The following LPIN2 variants were observed in gnomAD, a reference collection of about 807,000 sequenced individuals.
The protein encoded by LPIN2 is lipin 2.
LPIN2 carries 55 observed loss-of-function variants against 111.4 expected under a neutral mutation model. The ratio of observed to expected loss-of-function variants is 0.49; its 90% confidence interval spans 0.40 to 0.62. The LOEUF (loss-of-function observed/expected upper bound fraction) is 0.62, where lower values mean the gene tolerates loss of function less well. Ranked by LOEUF, LPIN2 falls within the 20% of genes least tolerant of loss-of-function variation. The pLI, the probability that LPIN2 is intolerant of heterozygous loss-of-function variation, is 0.00. For missense variants in LPIN2, 992 were observed against 1,112.1 expected, an observed-to-expected ratio of 0.89 and a Z score of 1.54; for synonymous variants, 425 against 414.0, an observed-to-expected ratio of 1.03 and a Z score of -0.32.
At chr18:2,999,099 G>A (rs1373588454) in intron 1 of LPIN2, among the ~76,000 whole-genome samples, 1 of 152,200 alleles carries the variant, frequency 6.6e-6, no homozygotes, top group Non-Finnish European at 1.5e-5. Flanking sequence ...GTTAAACCCA[G>A]AGGATGTCAC....
At position 2,925,178 on chromosome 18, in the gene LPIN2, T is replaced by C; in HGVS notation, c.1938+46A>G. ...GAGGATGTGCATCAAATTAAACCAT[T>C]ACTAAAATAAGTCCTACTGGACAAC... On this transcript the variant is annotated intron_variant, in intron 14 of 19. Transcript: ENST00000677752. This position sits in a 1 kb window ranked among gnomAD's most constrained non-coding sequence, Gnocchi z 4.1. The C allele has an allele frequency of 3.1e-6, 5 of 1,611,166 alleles. No homozygotes were observed. The highest frequency in any genetic ancestry group is 4.2e-6 in the Non-Finnish European group (5 of 1,177,436).
At chr18:2,932,974 AC>A (rs2077232709) in intron 8 of LPIN2, among the ~76,000 whole-genome samples, 1 of 152,174 alleles carries the variant, frequency 6.6e-6, no homozygotes, top group Admixed American at 6.5e-5. Flanking sequence ...AGCTAGTGTT[AC>A]CCCAACCAGT....
At chr18:2,971,792 A>C (rs1372070826) in intron 1 of LPIN2, among the ~76,000 whole-genome samples, 2 of 150,160 alleles carry the variant, frequency 1.3e-5, no homozygotes, top group Non-Finnish European at 3.0e-5. Context: ...TCACGACTGT[A>C]ATCCCAGCAC....
At chr18:2,981,884 C>T (rs2078116101) in intron 1 of LPIN2, among the ~76,000 whole-genome samples, 1 of 152,156 alleles carries the variant, frequency 6.6e-6, no homozygotes, top group Non-Finnish European at 1.5e-5. Context: ...ATTTTTGTCT[C>T]ACTGATTTTA....
chr18:2,923,813 G>T lies in LPIN2; in HGVS notation c.2136C>A (p.Thr712=). 2 of 1,614,138 alleles carry T rather than the reference G, an allele frequency of 1.2e-6. No individual in the cohort carries two copies. The highest frequency in any genetic ancestry group is 1.1e-5 in the South Asian group (1 of 91,074). The change falls in exon 16 of 20, where the codon ACC becomes ACA. Residue 712 remains threonine (T), a synonymous_variant. Transcript: ENST00000677752. ...QILPQLGKDW[T]HQGIAKLYHS... is the part of the protein sequence containing the mutation. ...GGTAGAGCTTTGCTATACCCTGGTGGGTCCAGTCTTTGCCCAGCTGTGGGA... is the reference window on the plus strand; with the variant it reads ...GGTAGAGCTTTGCTATACCCTGGTGTGTCCAGTCTTTGCCCAGCTGTGGGA...
intron 16 of LPIN2, among the ~76,000 whole-genome samples, 171 bp downstream of exon 16, chr18:2,923,604 G>A (rs1404176448): frequency 6.6e-6 from 1 of 152,148 alleles, no homozygotes; most frequent in Non-Finnish European, 1.5e-5. Flanking sequence ...CGATGCCAAT[G>A]CCAGGTGCAC....
At chr18:2,947,807 A>G (rs2077477181) in intron 4 of LPIN2, among the ~76,000 whole-genome samples, 1 of 152,192 alleles carries the variant, frequency 6.6e-6, no homozygotes, top group Admixed American at 6.5e-5. Context: ...CTGCAAAAGC[A>G]ATTGATTTCC....
intron 7 of LPIN2, among the ~76,000 whole-genome samples, chr18:2,936,947 T>C (rs963771973): frequency 6.6e-6 from 1 of 152,208 alleles, no homozygotes; most frequent in Non-Finnish European, 1.5e-5. Context: ...TTAGTATGCA[T>C]TGATTTTTAT....
intron 9 of LPIN2, among the ~76,000 whole-genome samples, chr18:2,929,990 A>C (rs933940247): frequency 6.6e-6 from 1 of 152,146 alleles, no homozygotes. Context: ...AAACAAAAAA[A>C]CCTAGAATTT....
intron 1 of LPIN2, among the ~76,000 whole-genome samples, chr18:2,977,915 G>A (rs992869190): frequency 2.6e-5 from 4 of 152,136 alleles, no homozygotes; most frequent in Admixed American, 1.3e-4. Context: ...AGGAGAGGCC[G>A]GGCTCGGTGG....
chr18:2,939,800 A>AT (rs1400429827), intron 5 of LPIN2, among the ~76,000 whole-genome samples, 197 bp from the exon 6 acceptor site: 3 of 152,238 alleles, frequency 2.0e-5, no homozygotes, highest in African/African-American at 7.2e-5. Flanking sequence ...ACCAACTAGT[A>AT]TTTAAGAGGA....
At chr18:2,959,351 TAATTA>T (rs1283001175) in intron 2 of LPIN2, among the ~76,000 whole-genome samples, 1 of 152,220 alleles carries the variant, frequency 6.6e-6, no homozygotes, top group East Asian at 1.9e-4. Flanking sequence ...CATTTAAGTT[TAATTA>T]AATAGAGGGA....
At chr18:2,998,322 A>C (rs923659335) in intron 1 of LPIN2, among the ~76,000 whole-genome samples, 2 of 152,232 alleles carry the variant, frequency 1.3e-5, no homozygotes, top group South Asian at 2.1e-4. Context: ...CTTGCATACT[A>C]AGCTACTTCA....
At position 2,917,095 on chromosome 18, in the gene LPIN2, GTAAC is replaced by G. The variant is rs2076980928; in HGVS notation, c.*3194_*3197del. 6.6e-6 allele frequency: 1 copy of G among 152,188 alleles called. No homozygotes were observed. The highest frequency in any genetic ancestry group is 1.5e-5 in the Non-Finnish European group (1 of 68,032). The allele number at this position is 152,188 out of a possible 1,614,324, so 9.4% of individuals were successfully genotyped here. A position where few individuals can be genotyped will look rare whatever the true frequency, so the allele number is the denominator to read the frequency against. On this transcript the variant is annotated 3_prime_UTR_variant, in exon 20 of 20. Coordinates refer to ENST00000677752, the MANE Select transcript of LPIN2 (RefSeq NM_001375808.2). ...TTCATCTTGCAACAATTGCTTTACT[GTAAC>G]TAAGAGTACTGTACTGATGATGTTT... is the stretch of plus-strand genomic sequence containing the variant.
chr18:3,007,169 T>C (rs76744928), intron 1 of LPIN2, among the ~76,000 whole-genome samples: 7,113 of 152,172 alleles, frequency 0.047, 553 homozygotes, highest in African/African-American at 0.16. Flanking sequence ...GTTAGTTATT[T>C]ATTTTTATTT....
chr18:2,936,423 G>C (rs1186081791), intron 7 of LPIN2, among the ~76,000 whole-genome samples: 2 of 152,176 alleles, frequency 1.3e-5, no homozygotes, highest in Non-Finnish European at 2.9e-5. Flanking sequence ...AAGTGAGGAA[G>C]AACTGTTGAA....
chr18:2,993,050 T>C (rs532799718), intron 1 of LPIN2, among the ~76,000 whole-genome samples: 365 of 146,182 alleles, frequency 2.5e-3, no homozygotes, highest in African/African-American at 8.8e-3. Flanking sequence ...GAGGCTGAGG[T>C]GGGAGGATGG....
chr18:2,960,250 A>G (rs2077691156), intron 2 of LPIN2, among the ~76,000 whole-genome samples: 1 of 149,874 alleles, frequency 6.7e-6, no homozygotes, highest in Non-Finnish European at 1.5e-5. Flanking sequence ...TCCATTTACA[A>G]TTAGTATGAA....
chr18:2,968,467 TCA>T (rs1260809470), intron 1 of LPIN2, among the ~76,000 whole-genome samples: 3 of 152,152 alleles, frequency 2.0e-5, no homozygotes, highest in Admixed American at 1.3e-4. Flanking sequence ...TCATCCTCTC[TCA>T]GAGGACCTTG....
Sources: allele counts gnomAD v4.1 joint callset (sites outside exome capture counted in the v4.1 genomes callset), GRCh38; gene constraint gnomAD v4.1.1; non-coding constraint Gnocchi (gnomAD v3.1); transcripts MANE v1.5; gene names NCBI Gene and HGNC (gene_info 2026-07-23, HGNC 2026-07-21).